Variants in PHACTR2 observed in about 807,000 individuals in gnomAD.
PHACTR2 encodes phosphatase and actin regulator 2, also known as chromosome 6 open reading frame 56.
A neutral mutation model predicts 76.0 loss-of-function variants in PHACTR2; 30 were observed. That is an observed-to-expected ratio of 0.39 (90% CI 0.30 to 0.54). PHACTR2 has a LOEUF of 0.54. PHACTR2 is among the 20% of genes least tolerant of loss of function. The pLI is 0.61. For missense variants in PHACTR2, 696 were observed against 781.1 expected (o/e 0.89, Z 1.30); for synonymous variants, 292 against 292.5 (o/e 1.00, Z 0.02).
chr6:143,786,519 G>T (rs375941464), intron 10 of PHACTR2, among the ~76,000 whole-genome samples: 2 of 152,008 alleles, frequency 1.3e-5, no homozygotes, highest in Non-Finnish European at 2.9e-5. Flanking sequence ...ACATTTTTGG[G>T]TATCTTTTCA....
intron 12 of PHACTR2, among the ~76,000 whole-genome samples, chr6:143,812,052 C>T (rs1245869520): frequency 6.6e-6 from 1 of 152,172 alleles, no homozygotes; most frequent in Non-Finnish European, 1.5e-5. Flanking sequence ...AAACCTCAAT[C>T]TGTGAACTCC....
chr6:143,628,946 T>G lies in PHACTR2; in HGVS notation c.13+20624T>G, dbSNP rs1344741689. Among the ~76,000 whole-genome samples, 32 of 46,924 alleles carry G rather than the reference T, an allele frequency of 6.8e-4. 2 individuals carry two copies. The highest frequency in any genetic ancestry group is 2.3e-3 in the African/African-American group (32 of 14,076). 30.8% of individuals were successfully genotyped at this position (46,924 alleles called of 152,430 possible). A position where few individuals can be genotyped will look rare whatever the true frequency, so the allele number is the denominator to read the frequency against. On this transcript the variant is annotated intron_variant, in intron 1 of 11. Transcript: ENST00000305766. ...GGAGATATATATATATATATATATA[T>G]ATATATATATATATATATATATATA...
intron 10 of PHACTR2, 105 bp from the exon 11 acceptor site, chr6:143,788,668 T>A: frequency 1.4e-6 from 1 of 703,494 alleles, no homozygotes; most frequent in Admixed American, 3.0e-5. Flanking sequence ...GATCTGAAAG[T>A]GACCTTATTT....
Position 143,543,528 on chromosome 6 carries a change from T to C in PHACTR2, c.217+6321T>C, listed in dbSNP as rs1781193393. Reference sequence around the variant, plus strand: ...ACCTAGGATGGTCGGCTATAGGGAATGGCTGTGGGGAGAAAATGCCTCTGG... The same window carrying C: ...ACCTAGGATGGTCGGCTATAGGGAACGGCTGTGGGGAGAAAATGCCTCTGG... On this transcript the variant is annotated intron_variant, in intron 1 of 11. Transcript: ENST00000367584. This position sits in a 1 kb window ranked among gnomAD's most constrained non-coding sequence, Gnocchi z 4.7. Among the ~76,000 whole-genome samples, 1 of 152,174 alleles carries C rather than the reference T, an allele frequency of 6.6e-6. No individual in the cohort carries two copies.
chr6:143,584,055 C>G (rs75002675), intron 1 of PHACTR2, among the ~76,000 whole-genome samples: 1,850 of 152,294 alleles, frequency 0.012, 41 homozygotes, highest in African/African-American at 0.04. Context: ...TGCCTATATC[C>G]CTGTCTGCCT....
chr6:143,567,607 C>T (rs1775381439), intron 1 of PHACTR2, among the ~76,000 whole-genome samples: 2 of 152,230 alleles, frequency 1.3e-5, no homozygotes, highest in South Asian at 4.1e-4. Flanking sequence ...CCATATTGGT[C>T]AGGCTGGTCT....
intron 1 of PHACTR2, among the ~76,000 whole-genome samples, chr6:143,638,631 AT>A (rs1582725185): frequency 6.6e-6 from 1 of 151,572 alleles, no homozygotes; most frequent in East Asian, 1.9e-4. Flanking sequence ...CTAATTTTTC[AT>A]TTTATATTAA....
chr6:143,594,533 G>A (rs1333050700), intron 1 of PHACTR2, among the ~76,000 whole-genome samples: 3 of 152,254 alleles, frequency 2.0e-5, no homozygotes, highest in Non-Finnish European at 2.9e-5. Context: ...ACCAATGTAA[G>A]TATCCTGGTG....
At chr6:143,644,291 C>G (rs1300032258) in intron 1 of PHACTR2, among the ~76,000 whole-genome samples, 3 of 152,032 alleles carry the variant, frequency 2.0e-5, no homozygotes, top group East Asian at 3.9e-4. Context: ...CACGGTGAAA[C>G]CCCATCTCTA....
At chr6:143,766,838 A>C (rs375405130) in intron 6 of PHACTR2, among the ~76,000 whole-genome samples, 4 of 152,302 alleles carry the variant, frequency 2.6e-5, no homozygotes, top group Admixed American at 6.5e-5. Flanking sequence ...CTGTCTCACG[A>C]GTATGAAGGG....
At chr6:143,579,545 C>T (rs749151394) in intron 1 of PHACTR2, among the ~76,000 whole-genome samples, 2 of 151,766 alleles carry the variant, frequency 1.3e-5, no homozygotes, top group Non-Finnish European at 2.9e-5. Flanking sequence ...AAGAGGCGAG[C>T]GGACAGCTGT....
chr6:143,794,470 A>G lies in PHACTR2; in HGVS notation c.1845+5560A>G, dbSNP rs1332638102. On this transcript the variant is annotated intron_variant, in intron 11 of 12. Transcript: ENST00000440869. The surrounding 1 kb of genome is among the most constrained non-coding windows in gnomAD (Gnocchi z 4.1). The stretch of plus-strand genomic sequence containing the variant: ...TATATCCCATTTTTAAAAACTATTC[A>G]AAGTAAATATTTCCACCTCTGCTTT... Among the ~76,000 whole-genome samples, 2 of 152,106 alleles carry G rather than the reference A, an allele frequency of 1.3e-5. No individual in the cohort carries two copies. The highest frequency in any genetic ancestry group is 2.9e-5 in the Non-Finnish European group (2 of 68,014).
intron 2 of PHACTR2, among the ~76,000 whole-genome samples, chr6:143,724,411 C>T (rs755218450): frequency 1.3e-5 from 2 of 152,214 alleles, no homozygotes; most frequent in African/African-American, 4.8e-5. Flanking sequence ...GGATTACAGG[C>T]ATGAGCCACC....
Position 143,541,415 on chromosome 6 carries a change from A to G in PHACTR2, c.217+4208A>G, listed in dbSNP as rs1781169839. Among the ~76,000 whole-genome samples, 1 of 152,212 alleles carries G rather than the reference A, an allele frequency of 6.6e-6. No homozygotes were observed. Among genetic ancestry groups the G allele is most frequent in the Non-Finnish European group, 1.5e-5 (1 of 68,040 alleles). Reference sequence around the variant, plus strand: ...ACCTGTGTGGGCTATAGGGAGGACCAAAAGATGTTTTTATTTTCATGTGAT... The same window carrying G: ...ACCTGTGTGGGCTATAGGGAGGACCGAAAGATGTTTTTATTTTCATGTGAT... On this transcript the variant is annotated intron_variant, in intron 1 of 11. Transcript: ENST00000367584. The surrounding 1 kb of genome is among the most constrained non-coding windows in gnomAD (Gnocchi z 5.3).
In PHACTR2 at chr6:143,549,171, C is replaced by T. The variant is rs1471276532; in HGVS notation, c.217+11964C>T. Among the ~76,000 whole-genome samples the T allele has an allele frequency of 6.6e-6, 1 of 151,994 alleles. No individual in the cohort carries two copies. The highest frequency in any genetic ancestry group is 1.5e-5 in the Non-Finnish European group (1 of 67,952). On this transcript the variant is annotated intron_variant, in intron 1 of 11. Coordinates refer to the PHACTR2 transcript ENST00000367584. The surrounding 1 kb of genome is among the most constrained non-coding windows in gnomAD (Gnocchi z 4.2). ...TTTGGTTTCCATTCAAGGCAGCCCT[C>T]AGTGGTCATTTAACCAGATCTCCTC...
rs1342817232 is a variant in PHACTR2 at position 143,611,995 on chromosome 6, C to A, written c.13+3673C>A. On this transcript the variant is annotated intron_variant, in intron 1 of 11. Transcript: ENST00000305766. The surrounding 1 kb of genome is among the most constrained non-coding windows in gnomAD (Gnocchi z 4.4). The stretch of plus-strand genomic sequence containing the variant: ...GACAGTAGTCCTGCACTACTGAACA[C>A]AAGATGAGTTTTCAGAGAAAGACAG... Among the ~76,000 whole-genome samples the A allele has an allele frequency of 2.0e-5, 3 of 152,168 alleles. No homozygotes were observed. Among genetic ancestry groups the A allele is most frequent in the Non-Finnish European group, 4.4e-5 (3 of 68,022 alleles).
In PHACTR2 at chr6:143,807,197, T is replaced by C; in HGVS notation, c.1922+64T>C. The stretch of plus-strand genomic sequence containing the variant: ...AAGATGTGATCCCATGTTGAGTTGG[T>C]TAAAAAAAGAAATTGCTTACAATGG... On this transcript the variant is annotated intron_variant, in intron 12 of 12. Transcript: ENST00000440869. The surrounding 1 kb of genome is among the most constrained non-coding windows in gnomAD (Gnocchi z 5.5). 2.2e-6 allele frequency: 2 copies of C among 925,720 alleles called. No homozygotes were observed. The allele number at this position is 925,720 out of a possible 1,614,324, so 57.3% of individuals were successfully genotyped here. A position where few individuals can be genotyped will look rare whatever the true frequency, so the allele number is the denominator to read the frequency against.
intron 1 of PHACTR2, among the ~76,000 whole-genome samples, chr6:143,637,327 A>G (rs979519521): frequency 1.1e-4 from 17 of 152,090 alleles, no homozygotes; most frequent in African/African-American, 3.4e-4. Context: ...GAAAAAAAAA[A>G]GAAAGGAAGA....
At chr6:143,608,163 C>T (rs1775908568), upstream of PHACTR2, 6 of 746,452 alleles carry the variant, frequency 8.0e-6, no homozygotes, top group Non-Finnish European at 1.4e-5. This position sits in a 1 kb window ranked among gnomAD's most constrained non-coding sequence, Gnocchi z 4.6. Context: ...AATTTCCTGG[C>T]GGTGTCTCCT....
Sources: gnomAD v4.1 joint callset for allele counts (sites outside exome capture counted in the v4.1 genomes callset) on GRCh38, gnomAD v4.1.1 for gene constraint, Gnocchi (gnomAD v3.1) non-coding constraint, MANE v1.5 for transcripts, NCBI Gene and HGNC (gene_info 2026-07-23, HGNC 2026-07-21) for gene names.